The following WDFY3 variants were observed in gnomAD, a reference collection of about 807,000 sequenced individuals.
The protein encoded by WDFY3 is WD repeat and FYVE domain containing 3, also known as WD repeat and FYVE domain-containing protein 3.
Under a neutral mutation model 409.6 loss-of-function variants are expected in WDFY3, and 66 were observed. That is an observed-to-expected ratio of 0.16 (90% CI 0.13 to 0.20). The LOEUF (loss-of-function observed/expected upper bound fraction) is 0.20, where lower values mean the gene tolerates loss of function less well. Ranked by LOEUF, WDFY3 falls within the 10% of genes least tolerant of loss-of-function variation. WDFY3 has a pLI of 1.00. For synonymous variants in WDFY3, 1,521 were observed against 1,537.1 expected, an observed-to-expected ratio of 0.99 and a Z score of 0.25; for missense variants, 3,031 against 4,298.1, an observed-to-expected ratio of 0.71 and a Z score of 8.24.
At chr4:84,930,079 T>C (rs2150950253) in intron 2 of WDFY3, among the ~76,000 whole-genome samples, 1 of 152,260 alleles carries the variant, frequency 6.6e-6, no homozygotes, top group East Asian at 1.9e-4. Context: ...ACTTCCAGCA[T>C]ACAGACTGTG....
chr4:84,820,193 A>T lies in WDFY3; in HGVS notation c.1592-7T>A, dbSNP rs750622254. Reference sequence around the variant, plus strand: ...CTATTATTTCTTGAGTCCCCTAAAAAAAGGTTCAAAGGTCCAAATTACAAA... The same window carrying T: ...CTATTATTTCTTGAGTCCCCTAAAATAAGGTTCAAAGGTCCAAATTACAAA... On this transcript the variant is annotated splice_polypyrimidine_tract_variant and splice_region_variant and intron_variant, in intron 11 of 67. Transcript: ENST00000295888. 6 of 1,591,068 alleles carry T rather than the reference A, an allele frequency of 3.8e-6. No individual in the cohort carries two copies. Among genetic ancestry groups the T allele is most frequent in the Non-Finnish European group, 5.1e-6 (6 of 1,169,684 alleles).
intron 3 of WDFY3, among the ~76,000 whole-genome samples, chr4:84,874,653 C>T (rs533564272): frequency 8.5e-5 from 13 of 152,206 alleles, no homozygotes; most frequent in African/African-American, 2.9e-4. Flanking sequence ...CCCTCCTCTG[C>T]TTTTCCAAGT....
At chr4:84,947,295 G>A (rs547113092) in intron 1 of WDFY3, among the ~76,000 whole-genome samples, 23 of 146,584 alleles carry the variant, frequency 1.6e-4, no homozygotes, top group Middle Eastern at 3.8e-3. Flanking sequence ...GGCGGATCAC[G>A]AGGTCAGGAG....
chr4:84,735,590 T>G (rs1737307547), intron 42 of WDFY3, among the ~76,000 whole-genome samples: 1 of 152,236 alleles, frequency 6.6e-6, no homozygotes, highest in African/African-American at 2.4e-5. Flanking sequence ...CCACAGGTAT[T>G]GATCCCAAGG....
At chr4:84,673,027 T>C in intron 67 of WDFY3, 36 bp from the exon 68 acceptor site, 1 of 1,610,184 alleles carries the variant, frequency 6.2e-7, no homozygotes, top group Non-Finnish European at 8.5e-7. Context: ...TTATAGGTCT[T>C]CTCCATGCTT....
At chr4:84,794,276 T>C (rs1386459745) in intron 21 of WDFY3, among the ~76,000 whole-genome samples, 1 of 152,218 alleles carries the variant, frequency 6.6e-6, no homozygotes, top group Non-Finnish European at 1.5e-5. Context: ...GGAAAAGCTG[T>C]GATTTCTTGG....
chr4:84,949,510 T>C (rs1038395614), intron 1 of WDFY3, among the ~76,000 whole-genome samples: 1 of 152,206 alleles, frequency 6.6e-6, no homozygotes, highest in African/African-American at 2.4e-5. Context: ...AATTTCTTAA[T>C]GCAAAACTTA....
chr4:84,792,881 T>C (rs1748755449), intron 21 of WDFY3, among the ~76,000 whole-genome samples: 1 of 152,202 alleles, frequency 6.6e-6, no homozygotes, highest in Admixed American at 6.5e-5. Context: ...AATATCTGCA[T>C]GCCTAATACA....
intron 35 of WDFY3, among the ~76,000 whole-genome samples, chr4:84,753,102 A>G (rs1740822896): frequency 6.6e-6 from 1 of 152,234 alleles, no homozygotes; most frequent in Admixed American, 6.5e-5. Flanking sequence ...ACATTTTCAA[A>G]GCAGGAAACC....
chr4:84,766,774 G>T (rs568570675), intron 30 of WDFY3, among the ~76,000 whole-genome samples: 57 of 152,236 alleles, frequency 3.7e-4, no homozygotes, highest in Non-Finnish European at 6.3e-4. Context: ...TTTAAAAATT[G>T]AAAATAGGAA....
chr4:84,836,325 ATGTT>A (rs1004811068), intron 7 of WDFY3, among the ~76,000 whole-genome samples: 1 of 152,172 alleles, frequency 6.6e-6, no homozygotes, highest in African/African-American at 2.4e-5. Flanking sequence ...TATATTCTAT[ATGTT>A]TGTTTGCTTG....
intron 44 of WDFY3, among the ~76,000 whole-genome samples, chr4:84,727,845 T>A (rs985513115): frequency 7.2e-5 from 11 of 152,212 alleles, no homozygotes; most frequent in African/African-American, 2.7e-4. Context: ...TTAGTGATTC[T>A]TTCTTTTTAA....
chr4:84,761,591 C>T (rs1163194191), intron 32 of WDFY3, among the ~76,000 whole-genome samples: 1 of 152,022 alleles, frequency 6.6e-6, no homozygotes, highest in Non-Finnish European at 1.5e-5. Context: ...GCAATGGCAA[C>T]AAAAGCCAAA....
At chr4:84,879,560 C>T (rs1560988325) in intron 3 of WDFY3, 1 of 151,754 alleles carries the variant, frequency 6.6e-6, no homozygotes, top group Non-Finnish European at 1.5e-5. Flanking sequence ...GAAAGTACAA[C>T]CTCAGGTTAA....
Position 84,683,973 on chromosome 4 carries a change from T to C in WDFY3, c.9696A>G (p.Ile3232Met), listed in dbSNP as rs1167510741. The C allele has an allele frequency of 6.2e-7, 1 of 1,610,016 alleles. No individual in the cohort carries two copies. The highest frequency in any genetic ancestry group is 1.7e-5 in the Admixed American group (1 of 59,928). ...EMNEWDTQNV[I>M]VTGHSDGVVR... Reference sequence around the variant, plus strand: ...CCACTCCATCTGAGTGTCCTGTCACTATGACGTTCTGCGTGTCCCATTCGT... The same window carrying C: ...CCACTCCATCTGAGTGTCCTGTCACCATGACGTTCTGCGTGTCCCATTCGT... Residue 3232 changes from isoleucine to methionine, a missense_variant, in exon 63 of 68, where the codon ATA becomes ATG. By Grantham distance (10) the Ile-to-Met change is conservative. Transcript: ENST00000295888.
chr4:84,696,195 A>C lies in WDFY3; in HGVS notation c.8689-13T>G. 1 of 1,613,286 alleles carries C rather than the reference A, an allele frequency of 6.2e-7. No individual in the cohort carries two copies. Among genetic ancestry groups the C allele is most frequent in the Non-Finnish European group, 8.5e-7 (1 of 1,179,500 alleles). On this transcript the variant is annotated splice_polypyrimidine_tract_variant and intron_variant, in intron 57 of 67. Coordinates refer to ENST00000295888, the MANE Select transcript of WDFY3 (RefSeq NM_014991.6). ...CACACTCCAAAGCCTGTAATTTCAA[A>C]CATAGGTTTAGTCACTGGCTGACTT...
At chr4:84,958,510 G>A (rs1774519422) in intron 1 of WDFY3, among the ~76,000 whole-genome samples, 1 of 152,116 alleles carries the variant, frequency 6.6e-6, no homozygotes, top group Non-Finnish European at 1.5e-5. Flanking sequence ...TTTCATAATA[G>A]GAGTACAACC....
chr4:84,784,482 A>C (rs1271503270), intron 24 of WDFY3, among the ~76,000 whole-genome samples: 2 of 151,836 alleles, frequency 1.3e-5, no homozygotes, highest in African/African-American at 4.8e-5. Flanking sequence ...GGAGTCCTTA[A>C]CTCTCTCACC....
At chr4:84,740,962 T>C (rs1188775061) in intron 38 of WDFY3, among the ~76,000 whole-genome samples, 3 of 152,208 alleles carry the variant, frequency 2.0e-5, no homozygotes, top group Admixed American at 6.5e-5. Flanking sequence ...TCTTACTTTC[T>C]ACATTAAGTA....
Sources: gnomAD v4.1 joint callset for allele counts (sites outside exome capture counted in the v4.1 genomes callset) on GRCh38, gnomAD v4.1.1 for gene constraint, MANE v1.5 for transcripts, NCBI Gene and HGNC (gene_info 2026-07-23, HGNC 2026-07-21) for gene names.